Variants in TFR2 observed in about 807,000 individuals in gnomAD.
TFR2 encodes transferrin receptor protein 2.
TFR2 carries 64 observed loss-of-function variants against 91.9 expected under a neutral mutation model. The observed-to-expected ratio is 0.70, with a 90% CI of 0.57 to 0.86. The LOEUF (loss-of-function observed/expected upper bound fraction) is 0.86. Among genes scored for constraint, TFR2 ranks in the 40% least tolerant of loss-of-function variants. TFR2 has a pLI of 0.00. For missense variants in TFR2, 950 were observed against 1,080.5 expected (o/e 0.88, Z 1.69); for synonymous variants, 454 against 459.6 (o/e 0.99, Z 0.15).
chr7:100,630,228 C>CTTCCTTCT (rs1803393706), intron 9 of TFR2, among the ~76,000 whole-genome samples: 1 of 150,708 alleles, frequency 6.6e-6, no homozygotes, highest in Non-Finnish European at 1.5e-5. Flanking sequence ...TCCTTCCTTC[C>CTTCCTTCT]TTCCTTTCTC....
intron 3 of TFR2, among the ~76,000 whole-genome samples, chr7:100,635,960 T>C (rs766249753): frequency 2.0e-5 from 3 of 152,036 alleles, no homozygotes; most frequent in Non-Finnish European, 2.9e-5. Flanking sequence ...TCGTGAATGA[T>C]TGTTAGTTTA....
At position 100,630,965 on chromosome 7, in the gene TFR2, C is replaced by T; in HGVS notation, c.1194G>A (p.Arg398=). 1 of 1,613,012 alleles carries T rather than the reference C, an allele frequency of 6.2e-7. No individual in the cohort carries two copies. The highest frequency in any genetic ancestry group is 1.7e-5 in the Admixed American group (1 of 59,998). The stretch of plus-strand genomic sequence containing the variant: ...AGGTCCTGTGATTGTTGACCACTAG[C>T]CGCAGTCGTGGCCCGGGGCCCAGGT... ...PYHLGPGPRL[R]LVVNNHRTST... is the part of the protein sequence containing the mutation. Residue 398 remains arginine (R), a synonymous_variant, in exon 9 of 18, where the codon CGG becomes CGA. Transcript: ENST00000223051.
At position 100,620,711 on chromosome 7, in the gene TFR2, G is replaced by T; in HGVS notation, c.*146C>A. The stretch of plus-strand genomic sequence containing the variant: ...TGTGGATATCTGTGCTGGGGTCTGG[G>T]CTCCGTGGAGAGATGTGTAGGGGTA... On this transcript the variant is annotated 3_prime_UTR_variant, in exon 18 of 18. Transcript: ENST00000223051. 1.8e-6 allele frequency: 2 copies of T among 1,140,888 alleles called. No homozygotes were observed. The highest frequency in any genetic ancestry group is 2.5e-6 in the Non-Finnish European group (2 of 793,622). The allele number at this position is 1,140,888 out of a possible 1,614,324, so 70.7% of individuals were successfully genotyped here.
Position 100,632,088 on chromosome 7 carries a change from A to G in TFR2, c.960T>C (p.Tyr320=), listed in dbSNP as rs1584459683. The G allele has an allele frequency of 1.9e-6, 3 of 1,614,158 alleles. No homozygotes were observed. Among genetic ancestry groups the G allele is most frequent in the African/African-American group, 2.7e-5 (2 of 75,054 alleles). The change falls in exon 7 of 18, where the codon TAT becomes TAC. Residue 320 remains tyrosine, a synonymous_variant. Coordinates refer to ENST00000223051, the MANE Select transcript of TFR2 (RefSeq NM_003227.4). The part of the protein sequence containing the change: ...KPSLSSQQAV[Y]GHVHLGTGDP... ...CCAGCCTCCCCAGACTCACATGTCC[A>G]TACACTGCCTGCTGGCTGGACAGGC...
At chr7:100,627,693 G>T in intron 14 of TFR2, 32 bp from the exon 15 acceptor site, 1 of 1,613,996 alleles carries the variant, frequency 6.2e-7, no homozygotes, top group South Asian at 1.1e-5. Flanking sequence ...CGATCTGTGG[G>T]TTCAGGCTCC....
At chr7:100,622,497 A>G (rs1237448623) in intron 17 of TFR2, among the ~76,000 whole-genome samples, 1 of 152,228 alleles carries the variant, frequency 6.6e-6, no homozygotes, top group Non-Finnish European at 1.5e-5. Context: ...CAGGCTTTGA[A>G]GGTAGACTAC....
intron 17 of TFR2, among the ~76,000 whole-genome samples, chr7:100,621,736 C>G (rs1205914248): frequency 6.6e-6 from 1 of 152,268 alleles, no homozygotes; most frequent in East Asian, 1.9e-4. Context: ...AGCCCAGAGA[C>G]GAAGGTCAAG....
At chr7:100,622,383 G>C (rs1205398754) in intron 17 of TFR2, among the ~76,000 whole-genome samples, 1 of 152,086 alleles carries the variant, frequency 6.6e-6, no homozygotes, top group Admixed American at 6.6e-5. Context: ...TATCAGTACC[G>C]ATCTCTTCCC....
intron 3 of TFR2, 33 bp from the exon 4 acceptor site, chr7:100,633,589 G>C (rs1428793690): frequency 1.3e-6 from 2 of 1,582,744 alleles, no homozygotes; most frequent in East Asian, 2.3e-5. Flanking sequence ...TTTTCTGGGC[G>C]CCCGGAGGAG....
rs368072831 is a variant in TFR2, at chr7:100,633,333, G to C, written c.622C>G (p.Pro208Ala). ...VGLQFPDPAH[P>A]NTLHWVDEAG... ...TCATCGACCCAGTGCAGGGTGTTGG[G>C]GTGAGCCCTGGGGAGCGGGGCTGGT... is the stretch of plus-strand genomic sequence containing the variant. The change falls in exon 5 of 18, where the codon CCC (proline) becomes GCC (alanine). Residue 208 changes from proline (P) to alanine (A), a missense_variant. Pro to Ala is a conservative substitution (Grantham distance 27). Coordinates refer to ENST00000223051, the MANE Select transcript of TFR2 (RefSeq NM_003227.4). The C allele has an allele frequency of 6.2e-7, 1 of 1,613,268 alleles. No individual in the cohort carries two copies. Among genetic ancestry groups the C allele is most frequent in the Non-Finnish European group, 8.5e-7 (1 of 1,179,764 alleles).
At chr7:100,632,893 A>C in intron 6 of TFR2, 108 bp downstream of exon 6, 1 of 1,576,096 alleles carries the variant, frequency 6.3e-7, no homozygotes, top group Admixed American at 1.7e-5. Context: ...CCATCCAGCC[A>C]CATGGTTCTT....
At chr7:100,629,123 A>G (rs1803355085) in intron 10 of TFR2, 130 bp downstream of exon 10, 2 of 1,221,354 alleles carry the variant, frequency 1.6e-6, no homozygotes, top group African/African-American at 1.5e-5. Context: ...CCACTCAGGT[A>G]CAATGTGGAT....
At chr7:100,624,090 A>C (rs1041110800) in intron 17 of TFR2, among the ~76,000 whole-genome samples, 2 of 150,948 alleles carry the variant, frequency 1.3e-5, no homozygotes, top group East Asian at 3.9e-4. Flanking sequence ...AAAAATAAAA[A>C]CTCCCCTTTG....
chr7:100,633,624 A>G, intron 3 of TFR2, 68 bp from the exon 4 acceptor site: 2 of 1,520,760 alleles, frequency 1.3e-6, no homozygotes, highest in South Asian at 1.2e-5. Context: ...GAAGGATGCC[A>G]GAGACGTGGG....
chr7:100,626,035 C>A lies in TFR2; in HGVS notation c.2136+728G>T, dbSNP rs1480734542. On this transcript the variant is annotated intron_variant, in intron 17 of 17. Transcript: ENST00000223051. ...AAGTGGCTCTGTGTACACTGCAGTT[C>A]CCAGCTCACCCCACACTCATTGAGG... Among the ~76,000 whole-genome samples the A allele has an allele frequency of 2.6e-5, 4 of 152,126 alleles. No homozygotes were observed. In the East Asian group the frequency reaches 7.7e-4, roughly 29 times the overall value.
chr7:100,635,878 G>A (rs1377396413), intron 3 of TFR2, among the ~76,000 whole-genome samples: 1 of 152,096 alleles, frequency 6.6e-6, no homozygotes, highest in Admixed American at 6.6e-5. Context: ...GCTCACAGGT[G>A]TGAGCCACCA....
chr7:100,627,100 G>A (rs1269736828), intron 16 of TFR2, among the ~76,000 whole-genome samples, 164 bp downstream of exon 16: 1 of 152,126 alleles, frequency 6.6e-6, no homozygotes, highest in Non-Finnish European at 1.5e-5. Flanking sequence ...CAGGTTGGGC[G>A]ATGGCACATG....
Position 100,627,826 on chromosome 7 carries a change from G to A in TFR2, c.1606-6C>T. The A allele has an allele frequency of 6.2e-7, 1 of 1,614,030 alleles. No homozygotes were observed. The highest frequency in any genetic ancestry group is 8.5e-7 in the Non-Finnish European group (1 of 1,179,982). ...CTGTGGTTGGGAGAATCCACCTGGG[G>A]GTTGGGGAAGGGCACTGATCAGGCT... On this transcript the variant is annotated splice_region_variant and splice_polypyrimidine_tract_variant and intron_variant, in intron 13 of 17. Transcript: ENST00000223051.
chr7:100,626,686 C>T (rs1455056013), intron 17 of TFR2, 77 bp downstream of exon 17: 13 of 1,504,810 alleles, frequency 8.6e-6, no homozygotes, highest in Non-Finnish European at 1.1e-5. Flanking sequence ...AGCGCGCAGA[C>T]GGGGCCAGGT....
Sources: allele counts gnomAD v4.1 joint callset (sites outside exome capture counted in the v4.1 genomes callset), GRCh38; gene constraint gnomAD v4.1.1; transcripts MANE v1.5; gene names NCBI Gene and HGNC (gene_info 2026-07-23, HGNC 2026-07-21).